SH3BGRL2: variants seen among roughly 807,000 people sequenced by gnomAD.
SH3BGRL2 encodes SH3 domain binding glutamate rich protein like 2.
A neutral mutation model predicts 14.8 loss-of-function variants in SH3BGRL2; 21 were observed. That is an observed-to-expected ratio of 1.42 (90% CI 1.01 to 2.05). SH3BGRL2 has a LOEUF of 2.05. SH3BGRL2 is among the 30% of genes most tolerant of loss of function. SH3BGRL2 has a pLI of 0.00. For missense variants in SH3BGRL2, 147 were observed against 130.8 expected, an observed-to-expected ratio of 1.12 and a Z score of -0.61; for synonymous variants, 50 against 47.8, an observed-to-expected ratio of 1.05 and a Z score of -0.19.
At chr6:79,663,664 C>T (rs1769599501) in intron 1 of SH3BGRL2, among the ~76,000 whole-genome samples, 1 of 152,200 alleles carries the variant, frequency 6.6e-6, no homozygotes. Context: ...TCTCAGAGCT[C>T]AAACATCGTG....
At chr6:79,578,132 C>T in the SH3BGRL2 span, among the ~76,000 whole-genome samples, 3 of 152,236 alleles carry the variant, frequency 2.0e-5, no homozygotes, top group Admixed American at 6.5e-5. Flanking sequence ...TCAAACTGGG[C>T]GGAGCCCACC....
the SH3BGRL2 span, among the ~76,000 whole-genome samples, chr6:79,540,872 T>TG: frequency 4.6e-5 from 7 of 152,074 alleles, no homozygotes; most frequent in African/African-American, 1.7e-4. Context: ...TTATTGACTG[T>TG]GGGGATGGAG....
upstream of SH3BGRL2, among the ~76,000 whole-genome samples, chr6:79,631,006 A>G (rs1768810432): frequency 1.3e-5 from 2 of 152,182 alleles, no homozygotes; most frequent in Admixed American, 6.5e-5. Context: ...CTCCAAACCA[A>G]TAAACCACAA....
chr6:79,689,924 T>C (rs1368020902), intron 2 of SH3BGRL2, among the ~76,000 whole-genome samples: 1 of 152,192 alleles, frequency 6.6e-6, no homozygotes, highest in Non-Finnish European at 1.5e-5. Flanking sequence ...TATGTTTTCT[T>C]TTTTACATTT....
At chr6:79,580,858 C>A in the SH3BGRL2 span, among the ~76,000 whole-genome samples, 5 of 152,082 alleles carry the variant, frequency 3.3e-5, no homozygotes, top group African/African-American at 4.8e-5. Flanking sequence ...GAGCTGGTTT[C>A]TTTAAAAGAT....
chr6:79,552,475 T>A, the SH3BGRL2 span, among the ~76,000 whole-genome samples: 4 of 152,192 alleles, frequency 2.6e-5, no homozygotes, highest in African/African-American at 4.8e-5. Flanking sequence ...TCTGTAAGTC[T>A]TATGATCTCT....
chr6:79,616,649 C>G, the SH3BGRL2 span, among the ~76,000 whole-genome samples: 2,737 of 152,264 alleles, frequency 0.018, 85 homozygotes, highest in African/African-American at 0.063. Flanking sequence ...CATTCTCTTA[C>G]TAGAAAGAAC....
chr6:79,602,421 A>G, the SH3BGRL2 span, among the ~76,000 whole-genome samples: 27 of 152,364 alleles, frequency 1.8e-4, no homozygotes, highest in African/African-American at 5.8e-4. Flanking sequence ...CAGGGAGAAC[A>G]GGGCCTGGAA....
upstream of SH3BGRL2, among the ~76,000 whole-genome samples, chr6:79,629,603 C>A (rs1473506477): frequency 6.6e-6 from 1 of 152,182 alleles, no homozygotes; most frequent in African/African-American, 2.4e-5. Flanking sequence ...AAAACCAACT[C>A]CTTGCTGTTC....
the SH3BGRL2 span, among the ~76,000 whole-genome samples, chr6:79,589,195 T>G: frequency 2.9e-5 from 2 of 69,264 alleles, no homozygotes; most frequent in Non-Finnish European, 6.6e-5. Context: ...TTATCCTATA[T>G]ATATATATAT....
intron 2 of SH3BGRL2, among the ~76,000 whole-genome samples, chr6:79,693,116 G>A (rs1175657063): frequency 2.0e-5 from 3 of 151,978 alleles, no homozygotes; most frequent in Non-Finnish European, 4.4e-5. Flanking sequence ...TCTCTTTGAA[G>A]CAATTGTGAA....
At chr6:79,559,793 T>C in the SH3BGRL2 span, among the ~76,000 whole-genome samples, 2 of 152,206 alleles carry the variant, frequency 1.3e-5, no homozygotes, top group African/African-American at 4.8e-5. Flanking sequence ...TGTATGCAAC[T>C]TCCTCTCAGA....
chr6:79,658,007 A>C (rs1769459461), intron 1 of SH3BGRL2, among the ~76,000 whole-genome samples: 1 of 152,194 alleles, frequency 6.6e-6, no homozygotes, highest in African/African-American at 2.4e-5. Context: ...AGGAAGAAGC[A>C]TCCAGCCACG....
At chr6:79,555,551 G>A in the SH3BGRL2 span, among the ~76,000 whole-genome samples, 29 of 152,206 alleles carry the variant, frequency 1.9e-4, 1 homozygote, top group South Asian at 5.6e-3. Context: ...TCAATCTGTC[G>A]CCAGGCTGGA....
the SH3BGRL2 span, among the ~76,000 whole-genome samples, chr6:79,592,939 A>C: frequency 1.3e-5 from 2 of 152,170 alleles, no homozygotes; most frequent in Non-Finnish European, 2.9e-5. Flanking sequence ...TCTCAATTGC[A>C]TGGATCACAA....
chr6:79,626,137 G>C, the SH3BGRL2 span, among the ~76,000 whole-genome samples: 1 of 152,166 alleles, frequency 6.6e-6, no homozygotes, highest in African/African-American at 2.4e-5. Flanking sequence ...TAAAATCTGG[G>C]CCAGGTGTGC....
At chr6:79,651,520 C>A (rs970109765) in intron 1 of SH3BGRL2, among the ~76,000 whole-genome samples, 2 of 152,074 alleles carry the variant, frequency 1.3e-5, no homozygotes, top group African/African-American at 4.8e-5. Flanking sequence ...ATTAAGGTTT[C>A]TTTTTTTAAT....
chr6:79,573,353 T>C, the SH3BGRL2 span, among the ~76,000 whole-genome samples: 1 of 152,202 alleles, frequency 6.6e-6, no homozygotes, highest in Non-Finnish European at 1.5e-5. Context: ...CTGTTCTCTT[T>C]TCCCTATTCT....
At chr6:79,634,491 A>G (rs1768885099) in intron 1 of SH3BGRL2, among the ~76,000 whole-genome samples, 1 of 152,230 alleles carries the variant, frequency 6.6e-6, no homozygotes, top group Non-Finnish European at 1.5e-5. Context: ...CTGAAAGGGG[A>G]AGTCTTAGTA....
Sources: gnomAD v4.1 joint callset for allele counts (sites outside exome capture counted in the v4.1 genomes callset) on GRCh38, gnomAD v4.1.1 for gene constraint, MANE v1.5 for transcripts, NCBI Gene and HGNC (gene_info 2026-07-23, HGNC 2026-07-21) for gene names.